ANKRD6: variants seen among roughly 807,000 people sequenced by gnomAD.
The protein encoded by ANKRD6 is ankyrin repeat domain-containing protein 6.
A neutral mutation model predicts 82.3 loss-of-function variants in ANKRD6; 56 were observed. The ratio of observed to expected loss-of-function variants is 0.68; its 90% CI spans 0.55 to 0.85. The LOEUF is 0.85. Among genes scored for constraint, ANKRD6 ranks in the 40% least tolerant of loss-of-function variants. The pLI is 0.00. For missense variants in ANKRD6, 852 were observed against 907.6 expected (o/e 0.94, Z 0.79); for synonymous variants, 347 against 352.1 (o/e 0.99, Z 0.16).
chr6:89,549,276 C>G (rs1583221562), intron 1 of ANKRD6, among the ~76,000 whole-genome samples: 1 of 152,016 alleles, frequency 6.6e-6, no homozygotes, highest in Non-Finnish European at 1.5e-5. Flanking sequence ...GATGTGGGAC[C>G]AGTAAGAGGT....
chr6:89,505,413 T>TTTAAGCAGAA (rs1779726617), intron 1 of ANKRD6, among the ~76,000 whole-genome samples: 1 of 152,236 alleles, frequency 6.6e-6, no homozygotes, highest in Non-Finnish European at 1.5e-5. Context: ...CAGAATTGAG[T>TTTAAGCAGAA]GCTCACAGAA....
chr6:89,434,741 G>C (rs1770412490), intron 1 of ANKRD6, among the ~76,000 whole-genome samples: 1 of 152,132 alleles, frequency 6.6e-6, no homozygotes, highest in South Asian at 2.1e-4. Context: ...TTGTTCTTGA[G>C]TGTAGTAGGT....
In ANKRD6 at chr6:89,537,058, T is replaced by C. The variant is rs544758624; in HGVS notation, c.-143-29776T>C. Among the ~76,000 whole-genome samples the C allele has an allele frequency of 1.4e-3, 211 of 152,032 alleles. 1 individual carries two copies. Among genetic ancestry groups the C allele is most frequent in the African/African-American group, 4.7e-3 (196 of 41,468 alleles). ...AATATACATGCACAGATGAGAGAGTTTGTGATTTGTGCTACTGTGTGTGTG... is the reference window on the plus strand; with the variant it reads ...AATATACATGCACAGATGAGAGAGTCTGTGATTTGTGCTACTGTGTGTGTG... On this transcript the variant is annotated intron_variant, in intron 1 of 15. Transcript: ENST00000339746.
intron 1 of ANKRD6, among the ~76,000 whole-genome samples, chr6:89,441,439 C>T (rs1771364954): frequency 6.6e-6 from 1 of 152,122 alleles, no homozygotes; most frequent in Non-Finnish European, 1.5e-5. Context: ...AGGCATGAGC[C>T]ACTGCACCTG....
chr6:89,444,693 C>T (rs1053063885), intron 1 of ANKRD6, among the ~76,000 whole-genome samples: 5 of 152,078 alleles, frequency 3.3e-5, no homozygotes, highest in African/African-American at 7.2e-5. Context: ...AAGGGCTGGG[C>T]GCGGTGGCTC....
At chr6:89,515,417 G>C (rs1781082446) in intron 1 of ANKRD6, among the ~76,000 whole-genome samples, 1 of 152,126 alleles carries the variant, frequency 6.6e-6, no homozygotes, top group Non-Finnish European at 1.5e-5. Flanking sequence ...GCAAGGACTT[G>C]GGTCTTTGGT....
At chr6:89,610,805 A>T (rs1275582438) in intron 5 of ANKRD6, among the ~76,000 whole-genome samples, 1 of 85,024 alleles carries the variant, frequency 1.2e-5, no homozygotes, top group Admixed American at 1.5e-4. Flanking sequence ...ACAAAACTTA[A>T]AAAAAAAAAA....
chr6:89,524,128 T>A (rs192821032), intron 1 of ANKRD6, among the ~76,000 whole-genome samples: 1 of 152,274 alleles, frequency 6.6e-6, no homozygotes, highest in Non-Finnish European at 1.5e-5. Flanking sequence ...TTCTGCTGTT[T>A]TGTTTGTTTT....
chr6:89,582,735 G>T (rs142532316), intron 2 of ANKRD6, among the ~76,000 whole-genome samples: 84 of 150,164 alleles, frequency 5.6e-4, no homozygotes, highest in African/African-American at 2.0e-3. Flanking sequence ...CTTACCTAGA[G>T]GCAATGAATC....
At chr6:89,539,821 T>C (rs1327585965) in intron 1 of ANKRD6, among the ~76,000 whole-genome samples, 1 of 150,464 alleles carries the variant, frequency 6.6e-6, no homozygotes, top group Non-Finnish European at 1.5e-5. Context: ...CTGGTAACCA[T>C]CCTTCTACTC....
At chr6:89,527,691 T>C (rs1474882693) in intron 1 of ANKRD6, among the ~76,000 whole-genome samples, 16 of 152,068 alleles carry the variant, frequency 1.1e-4, no homozygotes, top group Admixed American at 6.6e-4. Context: ...TTCAGTGAAT[T>C]GCAATCTTTT....
At chr6:89,480,293 T>A (rs2127806174) in intron 1 of ANKRD6, among the ~76,000 whole-genome samples, 1 of 152,350 alleles carries the variant, frequency 6.6e-6, no homozygotes, top group South Asian at 2.1e-4. Flanking sequence ...AAATCCCATT[T>A]ATGTTGGCAG....
chr6:89,454,728 A>T (rs1773296357), intron 1 of ANKRD6, among the ~76,000 whole-genome samples: 3 of 152,234 alleles, frequency 2.0e-5, no homozygotes, highest in Admixed American at 6.5e-5. Flanking sequence ...GACTACCTGC[A>T]TGATTCTTTT....
In ANKRD6 at chr6:89,623,412, C is replaced by G. The variant is rs1398415639; in HGVS notation, c.900C>G (p.Gly300=). The G allele has an allele frequency of 6.2e-7, 1 of 1,612,164 alleles. No homozygotes were observed. The highest frequency in any genetic ancestry group is 8.5e-7 in the Non-Finnish European group (1 of 1,179,212). The stretch of plus-strand genomic sequence containing the variant: ...CTCTGGGCTTTTTCCTTCTGTAGGG[C>G]AGTGTCTCAGCAGGAGACACCCCCA... The part of the protein sequence containing the change: ...VPRDEVAQSK[G]SVSAGDTPSS... The change falls in exon 11 of 16, where the codon GGC becomes GGG. Residue 300 remains glycine (G), a splice_region_variant and synonymous_variant. Coordinates refer to ENST00000339746, the MANE Select transcript of ANKRD6 (RefSeq NM_001242809.2).
intron 2 of ANKRD6, among the ~76,000 whole-genome samples, chr6:89,591,180 T>C (rs1336623211): frequency 6.6e-6 from 1 of 152,206 alleles, no homozygotes. Flanking sequence ...CACAGCTCAC[T>C]GCAGCCTTGA....
At chr6:89,516,465 T>G (rs184809135) in intron 1 of ANKRD6, among the ~76,000 whole-genome samples, 1 of 152,192 alleles carries the variant, frequency 6.6e-6, no homozygotes, top group East Asian at 1.9e-4. Flanking sequence ...CTTCCAAAAT[T>G]GTGGGAGCCA....
In ANKRD6 at chr6:89,616,938, C is replaced by T. The variant is rs41487148; in HGVS notation, c.714+281C>T. 3.6e-3 allele frequency: 2,071 copies of T among 577,908 alleles called. 35 individuals carry two copies. The highest frequency in any genetic ancestry group is 0.034 in the African/African-American group (1,841 of 54,370). 35.8% of individuals were successfully genotyped at this position (577,908 alleles called of 1,614,324 possible). A position where few individuals can be genotyped will look rare whatever the true frequency, so the allele number is the denominator to read the frequency against. ...ACTCAGGGATGTCCAGTTAAACTGA[C>T]GAGTGGATGTTACCCAAAGTGAGTT... On this transcript the variant is annotated intron_variant, in intron 8 of 15. Transcript: ENST00000339746.
chr6:89,609,111 G>C (rs1799542326), intron 5 of ANKRD6, among the ~76,000 whole-genome samples: 1 of 152,172 alleles, frequency 6.6e-6, no homozygotes, highest in Admixed American at 6.5e-5. Context: ...ACCGCATGCA[G>C]CTTTGTGCTG....
chr6:89,614,520 C>T lies in ANKRD6; in HGVS notation c.615+630C>T, dbSNP rs573573405. Among the ~76,000 whole-genome samples the T allele has an allele frequency of 1.4e-4, 21 of 152,240 alleles. No homozygotes were observed. In the East Asian group the frequency reaches 3.7e-3, roughly 27 times the overall value. On this transcript the variant is annotated intron_variant, in intron 7 of 15. Transcript: ENST00000339746. ...AATTAGCCAGGCGTGGTGGCGTGCA[C>T]CTGCAATCTCAGCTACTCAGGAAGC...
Sources: allele counts gnomAD v4.1 joint callset (sites outside exome capture counted in the v4.1 genomes callset), GRCh38; gene constraint gnomAD v4.1.1; transcripts MANE v1.5; gene names NCBI Gene and HGNC (gene_info 2026-07-23, HGNC 2026-07-21).